The following NALF1 variants were observed in gnomAD, a reference collection of about 807,000 sequenced individuals.
NALF1 encodes family with sequence similarity 155 member A.
A neutral mutation model predicts 48.4 loss-of-function variants in NALF1; 3 were observed. The ratio of observed to expected loss-of-function variants is 0.06; its 90% confidence interval spans 0.03 to 0.16. The LOEUF (loss-of-function observed/expected upper bound fraction) is 0.16. NALF1 is among the 10% of genes least tolerant of loss of function. The pLI, the probability that NALF1 is intolerant of heterozygous loss-of-function variation, is 1.00. For missense variants in NALF1, 526 were observed against 571.5 expected (o/e 0.92, Z 0.81); for synonymous variants, 262 against 245.7 (o/e 1.07, Z -0.62).
intron 1 of NALF1, among the ~76,000 whole-genome samples, chr13:107,385,533 C>T (rs1883512861): frequency 7.2e-6 from 1 of 139,484 alleles, no homozygotes; most frequent in Non-Finnish European, 1.5e-5. Flanking sequence ...AGCCTGGGTG[C>T]CAGAGCGAGA....
chr13:107,654,186 G>A (rs1475405681), intron 1 of NALF1, among the ~76,000 whole-genome samples: 1 of 152,014 alleles, frequency 6.6e-6, no homozygotes. Context: ...AGCTAAATTA[G>A]AAATGAAATG....
intron 1 of NALF1, among the ~76,000 whole-genome samples, chr13:107,774,823 C>T (rs1877679298): frequency 6.6e-6 from 1 of 152,154 alleles, no homozygotes; most frequent in Admixed American, 6.5e-5. Flanking sequence ...AAAAACAGCC[C>T]TAAATCTCAG....
intron 1 of NALF1, among the ~76,000 whole-genome samples, chr13:107,575,732 G>C (rs1008040240): frequency 6.6e-6 from 1 of 151,924 alleles, no homozygotes; most frequent in African/African-American, 2.4e-5. Flanking sequence ...AGTGGGAGAG[G>C]GTGTGTGAAA....
intron 1 of NALF1, among the ~76,000 whole-genome samples, chr13:107,693,224 C>T (rs1348004943): frequency 1.3e-5 from 2 of 148,374 alleles, no homozygotes; most frequent in Non-Finnish European, 3.0e-5. Context: ...ATCACAAGGA[C>T]AGAAAATCAA....
At chr13:107,427,164 A>G (rs895780726) in intron 1 of NALF1, among the ~76,000 whole-genome samples, 7 of 151,638 alleles carry the variant, frequency 4.6e-5, no homozygotes, top group African/African-American at 1.7e-4. Context: ...TGACATTTCA[A>G]GTAGATAAGT....
At chr13:107,828,594 TATCTATATCTATAC>T (rs1879597075) in intron 1 of NALF1, among the ~76,000 whole-genome samples, 3 of 75,196 alleles carry the variant, frequency 4.0e-5, no homozygotes, top group Admixed American at 1.9e-4. Context: ...TATCTATCTA[TATCTATATCTATAC>T]ACACACACAC....
intron 1 of NALF1, among the ~76,000 whole-genome samples, chr13:107,275,122 A>G (rs1308407012): frequency 1.3e-5 from 2 of 152,188 alleles, no homozygotes; most frequent in Non-Finnish European, 2.9e-5. Flanking sequence ...AAATTATACA[A>G]AACTACTATT....
chr13:107,478,202 T>G (rs1369036248), intron 1 of NALF1, among the ~76,000 whole-genome samples: 3 of 152,266 alleles, frequency 2.0e-5, no homozygotes, highest in Middle Eastern at 3.4e-3. Flanking sequence ...CTTCAGGGAG[T>G]TGGCAGTCAA....
At chr13:107,314,241 T>A (rs1882101059) in intron 1 of NALF1, among the ~76,000 whole-genome samples, 1 of 152,084 alleles carries the variant, frequency 6.6e-6, no homozygotes, top group African/African-American at 2.4e-5. Flanking sequence ...TAGGATCACT[T>A]TCTAATTAGG....
chr13:107,529,245 A>G (rs1043129435), intron 1 of NALF1, among the ~76,000 whole-genome samples: 1 of 152,146 alleles, frequency 6.6e-6, no homozygotes, highest in African/African-American at 2.4e-5. Flanking sequence ...ATGGGTGAAT[A>G]CCTGCATAGT....
intron 1 of NALF1, among the ~76,000 whole-genome samples, chr13:107,616,649 T>C (rs1479075536): frequency 6.6e-6 from 1 of 152,196 alleles, no homozygotes; most frequent in Non-Finnish European, 1.5e-5. Flanking sequence ...CAGTAGCTGC[T>C]ATTTCATCCC....
chr13:107,462,141 T>C (rs1017603271), intron 1 of NALF1, among the ~76,000 whole-genome samples: 2 of 152,194 alleles, frequency 1.3e-5, no homozygotes, highest in Non-Finnish European at 2.9e-5. Context: ...AATTCTGCCA[T>C]TTTGTGTACT....
intron 1 of NALF1, among the ~76,000 whole-genome samples, chr13:107,715,310 C>A (rs1310036643): frequency 6.6e-6 from 1 of 151,976 alleles, no homozygotes; most frequent in East Asian, 1.9e-4. Flanking sequence ...TGAAAAGAAT[C>A]TCCTGCCTCA....
chr13:107,697,737 C>T (rs561117916), intron 1 of NALF1, among the ~76,000 whole-genome samples: 2 of 152,236 alleles, frequency 1.3e-5, no homozygotes, highest in South Asian at 2.1e-4. Flanking sequence ...AAAGTATTAA[C>T]ATTGAAGTCG....
At chr13:107,226,530 A>G (rs76843977) in intron 1 of NALF1, among the ~76,000 whole-genome samples, 7,441 of 152,294 alleles carry the variant, frequency 0.049, 304 homozygotes, top group African/African-American at 0.097. Flanking sequence ...AAATGAGTAC[A>G]TGACAAAACA....
chr13:107,738,064 C>G (rs982308856), intron 1 of NALF1, among the ~76,000 whole-genome samples: 9 of 152,146 alleles, frequency 5.9e-5, no homozygotes, highest in African/African-American at 2.2e-4. Flanking sequence ...TTGCAGTCAG[C>G]ACTATTTTAC....
At chr13:107,559,987 G>A (rs1329454532) in intron 1 of NALF1, among the ~76,000 whole-genome samples, 3 of 152,050 alleles carry the variant, frequency 2.0e-5, no homozygotes, top group Admixed American at 1.3e-4. Context: ...GGAAGGAGGC[G>A]GAGATCTTCC....
intron 1 of NALF1, among the ~76,000 whole-genome samples, chr13:107,389,724 G>A (rs920071341): frequency 2.6e-5 from 4 of 152,130 alleles, no homozygotes; most frequent in Admixed American, 6.6e-5. Flanking sequence ...ATGAAGGCAA[G>A]ATCATGTCTC....
At chr13:107,737,374 A>G (rs1876495972) in intron 1 of NALF1, among the ~76,000 whole-genome samples, 1 of 152,196 alleles carries the variant, frequency 6.6e-6, no homozygotes, top group Admixed American at 6.5e-5. Context: ...TTCCAATGTG[A>G]TGTGGAATTC....
Sources: allele counts gnomAD v4.1 joint callset (sites outside exome capture counted in the v4.1 genomes callset), GRCh38; gene constraint gnomAD v4.1.1; transcripts MANE v1.5; gene names NCBI Gene and HGNC (gene_info 2026-07-23, HGNC 2026-07-21).